Variants in SPATA9 observed in about 807,000 individuals in gnomAD.
SPATA9 encodes spermatogenesis-associated protein 9.
Under a neutral mutation model 25.5 loss-of-function variants are expected in SPATA9, and 27 were observed. That is an observed-to-expected ratio of 1.06 (90% CI 0.78 to 1.46). The LOEUF (loss-of-function observed/expected upper bound fraction) is 1.46, where lower values mean the gene tolerates loss of function less well. Among genes scored for constraint, SPATA9 ranks in the 40% most tolerant of loss-of-function variants. The pLI is 0.00. For synonymous variants in SPATA9, 102 were observed against 105.7 expected (o/e 0.97, Z 0.21); for missense variants, 282 against 297.5 (o/e 0.95, Z 0.38).
the SPATA9 span, among the ~76,000 whole-genome samples, chr5:95,725,603 C>CT: frequency 6.6e-6 from 1 of 152,324 alleles, no homozygotes; most frequent in South Asian, 2.1e-4. Context: ...CTTTTCTGCA[C>CT]TTTTTTTGTG....
the SPATA9 span, chr5:95,708,899 A>G: frequency 5.1e-6 from 2 of 389,416 alleles, no homozygotes; most frequent in Non-Finnish European, 9.2e-6. Context: ...GGTGAAAACA[A>G]ACAAGAGAAG....
chr5:95,661,922 CA>C lies in SPATA9; in HGVS notation c.474+2030del, dbSNP rs555317902. On this transcript the variant is annotated intron_variant, in intron 4 of 4. Coordinates refer to ENST00000274432, the MANE Select transcript of SPATA9 (RefSeq NM_031952.4). ...ATTAACAAATGTGTAAGAATGCTAACAAAAAAACATAAAAATGATTAAAAGA... is the reference window on the plus strand; with the variant it reads ...ATTAACAAATGTGTAAGAATGCTAACAAAAAACATAAAAATGATTAAAAGA... 1.6e-3 allele frequency among the ~76,000 whole-genome samples: 249 copies of C among 150,986 alleles called. 2 individuals carry two copies. In the South Asian group the frequency reaches 0.023, roughly 14 times the overall value.
intron 3 of SPATA9, among the ~76,000 whole-genome samples, chr5:95,669,371 A>G (rs1752135925): frequency 6.6e-6 from 1 of 152,140 alleles, no homozygotes; most frequent in African/African-American, 2.4e-5. Context: ...GATATTTATG[A>G]GGTTTATAGT....
At chr5:95,656,546 G>A (rs1168126726), downstream of SPATA9, 36 of 367,132 alleles carry the variant, frequency 9.8e-5, no homozygotes, top group East Asian at 1.5e-3. Context: ...AAGGTTATAG[G>A]TTTGGGATGT....
rs1752869536 is a variant in SPATA9, at chr5:95,675,730, ACATTGTGCATGGTGT to A, written c.151-106_151-92del. ...GGCAGAGACTGACTACTATATAACT[ACATTGTGCATGGTGT>A]CATGCATATATTCAACATCCAATAT... is the stretch of plus-strand genomic sequence containing the variant. On this transcript the variant is annotated intron_variant, in intron 2 of 4. Coordinates refer to ENST00000274432, the MANE Select transcript of SPATA9 (RefSeq NM_031952.4). 165 of 989,132 alleles carry A rather than the reference ACATTGTGCATGGTGT, an allele frequency of 1.7e-4. 1 individual carries two copies. In the South Asian group the frequency reaches 2.5e-3, roughly 15 times the overall value. The allele number at this position is 989,132 out of a possible 1,614,324, so 61.3% of individuals were successfully genotyped here.
At chr5:95,711,822 C>T in the SPATA9 span, among the ~76,000 whole-genome samples, 1 of 152,210 alleles carries the variant, frequency 6.6e-6, no homozygotes, top group Non-Finnish European at 1.5e-5. Flanking sequence ...CCTGACCAAA[C>T]TTAACCATTG....
At chr5:95,664,966 T>C (rs1037053550) in intron 3 of SPATA9, among the ~76,000 whole-genome samples, 2 of 152,258 alleles carry the variant, frequency 1.3e-5, no homozygotes, top group Non-Finnish European at 2.9e-5. Context: ...AGTTATAACA[T>C]TGAAAAAACT....
chr5:95,662,181 C>T lies in SPATA9; in HGVS notation c.474+1772G>A, dbSNP rs150329995. 3.0e-3 allele frequency among the ~76,000 whole-genome samples: 453 copies of T among 152,014 alleles called. 4 individuals are homozygous for T. Among genetic ancestry groups the T allele is most frequent in the African/African-American group, 0.01 (430 of 41,450 alleles). On this transcript the variant is annotated intron_variant, in intron 4 of 4. Transcript: ENST00000274432. ...GTATTCTAGGACAATAGAAAAAGGG[C>T]TTTTTTTAAAGAAAAAATAGATTAA...
the SPATA9 span, among the ~76,000 whole-genome samples, chr5:95,724,870 C>T: frequency 6.6e-6 from 1 of 152,014 alleles, no homozygotes; most frequent in Admixed American, 6.6e-5. Flanking sequence ...ATGCCTGGTA[C>T]ATGGTAAGTA....
chr5:95,665,192 T>C (rs1479911040), intron 3 of SPATA9, among the ~76,000 whole-genome samples: 1 of 152,240 alleles, frequency 6.6e-6, no homozygotes, highest in Non-Finnish European at 1.5e-5. Context: ...TGTGCATTTA[T>C]CATTTCTTTG....
At chr5:95,731,712 GTC>G in the SPATA9 span, 1 of 1,613,236 alleles carries the variant, frequency 6.2e-7, no homozygotes, top group East Asian at 2.2e-5. Flanking sequence ...TCCTGCCATT[GTC>G]TCTCTCCAGC....
At chr5:95,709,905 G>C in the SPATA9 span, among the ~76,000 whole-genome samples, 1 of 152,266 alleles carries the variant, frequency 6.6e-6, no homozygotes, top group Admixed American at 6.5e-5. Context: ...TTTGAAGATG[G>C]GGGATTCTTC....
the SPATA9 span, among the ~76,000 whole-genome samples, chr5:95,714,123 G>T: frequency 1.3e-5 from 2 of 151,844 alleles, no homozygotes; most frequent in South Asian, 4.2e-4. Flanking sequence ...TGCTGAGTTT[G>T]CATAAATATA....
chr5:95,712,009 CTGAG>C, the SPATA9 span, among the ~76,000 whole-genome samples: 12 of 152,138 alleles, frequency 7.9e-5, no homozygotes, highest in Admixed American at 4.6e-4. Flanking sequence ...CCATAATCCT[CTGAG>C]AAACCAAGAG....
intron 3 of SPATA9, among the ~76,000 whole-genome samples, chr5:95,669,436 A>G (rs903664747): frequency 6.6e-6 from 1 of 152,178 alleles, no homozygotes; most frequent in Non-Finnish European, 1.5e-5. Context: ...GAAACTTTAC[A>G]TAGGTAAGTT....
At chr5:95,722,650 C>T in the SPATA9 span, among the ~76,000 whole-genome samples, 4 of 152,146 alleles carry the variant, frequency 2.6e-5, no homozygotes, top group Non-Finnish European at 5.9e-5. Flanking sequence ...CCACCATGCC[C>T]GGCTAATTTT....
the SPATA9 span, chr5:95,731,417 C>A: frequency 8.4e-7 from 1 of 1,189,522 alleles, no homozygotes; most frequent in East Asian, 3.9e-5. Flanking sequence ...GGCTGTGCGG[C>A]GGTCCCGCGC....
chr5:95,675,386 A>C (rs1752828087), intron 3 of SPATA9, 26 bp downstream of exon 3: 1 of 1,544,890 alleles, frequency 6.5e-7, no homozygotes. Context: ...AAAAAGGGGA[A>C]TTGTGCATAT....
chr5:95,731,940 C>G, the SPATA9 span: 4 of 1,614,130 alleles, frequency 2.5e-6, no homozygotes, highest in Non-Finnish European at 3.4e-6. Flanking sequence ...TCCGCACTTA[C>G]CTGGGGAGAA....
Sources: gnomAD v4.1 joint callset for allele counts (sites outside exome capture counted in the v4.1 genomes callset) on GRCh38, gnomAD v4.1.1 for gene constraint, MANE v1.5 for transcripts, NCBI Gene and HGNC (gene_info 2026-07-23, HGNC 2026-07-21) for gene names.